CSMD1: variants seen among roughly 807,000 people sequenced by gnomAD.
The protein encoded by CSMD1 is CUB and sushi domain-containing protein 1.
CSMD1 carries 213 observed loss-of-function variants against 417.5 expected under a neutral mutation model. The ratio of observed to expected loss-of-function variants is 0.51; its 90% confidence interval spans 0.46 to 0.57. The LOEUF is 0.57. CSMD1 is among the 20% of genes least tolerant of loss of function. CSMD1 has a pLI of 0.00. For synonymous variants in CSMD1, 2,862 were observed against 1,736.8 expected, an observed-to-expected ratio of 1.65 and a Z score of -16.11; for missense variants, 6,923 against 4,529.7, an observed-to-expected ratio of 1.53 and a Z score of -15.17.
intron 23 of CSMD1, among the ~76,000 whole-genome samples, chr8:3,339,346 G>T (rs563330274): frequency 6.6e-6 from 1 of 152,116 alleles, no homozygotes; most frequent in Non-Finnish European, 1.5e-5. Context: ...CCTGACTATG[G>T]GTTCTCTTCT....
intron 36 of CSMD1, among the ~76,000 whole-genome samples, chr8:3,185,185 C>T (rs1301459145): frequency 6.6e-6 from 1 of 152,200 alleles, no homozygotes; most frequent in Admixed American, 6.5e-5. Context: ...TGTGGAGAAG[C>T]ATGAAGTGCA....
chr8:3,683,671 G>A (rs111243346), intron 7 of CSMD1, among the ~76,000 whole-genome samples: 2 of 152,052 alleles, frequency 1.3e-5, no homozygotes, highest in African/African-American at 2.4e-5. Context: ...ATCCTGTGAG[G>A]TTGTCATCTC....
chr8:4,583,281 C>T (rs2130704899), intron 2 of CSMD1, among the ~76,000 whole-genome samples: 1 of 152,332 alleles, frequency 6.6e-6, no homozygotes, highest in African/African-American at 2.4e-5. Context: ...CGAGTGAAGC[C>T]AGCTGCGCTC....
chr8:4,451,164 T>TG (rs1294734790), intron 2 of CSMD1, among the ~76,000 whole-genome samples: 5 of 145,702 alleles, frequency 3.4e-5, no homozygotes, highest in African/African-American at 1.2e-4. Flanking sequence ...CCTGTCTCTA[T>TG]CAAAATAATA....
intron 26 of CSMD1, among the ~76,000 whole-genome samples, chr8:3,238,203 G>A (rs976419694): frequency 1.3e-5 from 2 of 152,100 alleles, no homozygotes; most frequent in South Asian, 4.1e-4. Context: ...GTGTCACAAG[G>A]TGCTCAGCAG....
rs191098708 is a variant in CSMD1, at chr8:4,626,969, G to C, written c.302+10373C>G. ...TTCTCTGCAAAGGGATACGTAAGTA[G>C]GTGAGTGTATTTATTGTGGTAAAGC... On this transcript the variant is annotated intron_variant, in intron 2 of 69. Coordinates refer to ENST00000635120, the MANE Select transcript of CSMD1 (RefSeq NM_033225.6). Among the ~76,000 whole-genome samples the C allele has an allele frequency of 3.4e-4, 52 of 152,218 alleles. 1 individual carries two copies. The highest frequency in any genetic ancestry group is 1.3e-4 in the Non-Finnish European group (9 of 68,026).
At chr8:4,977,471 G>A (rs1005014373) in intron 1 of CSMD1, among the ~76,000 whole-genome samples, 2 of 152,194 alleles carry the variant, frequency 1.3e-5, no homozygotes, top group Admixed American at 6.5e-5. Context: ...TGGGAAAGAA[G>A]GTCTCATCTC....
At chr8:4,000,536 G>A (rs181609623) in intron 4 of CSMD1, among the ~76,000 whole-genome samples, 7 of 152,308 alleles carry the variant, frequency 4.6e-5, no homozygotes, top group Admixed American at 3.3e-4. Context: ...GGATAATGGT[G>A]AATCAGGTTA....
chr8:3,326,420 T>C (rs1186261726), intron 23 of CSMD1, among the ~76,000 whole-genome samples: 1 of 152,214 alleles, frequency 6.6e-6, no homozygotes, highest in Non-Finnish European at 1.5e-5. Context: ...AGCCTCACCT[T>C]GAAACAGACG....
chr8:3,215,566 A>T (rs751617757), intron 29 of CSMD1, among the ~76,000 whole-genome samples: 4 of 152,242 alleles, frequency 2.6e-5, no homozygotes, highest in Non-Finnish European at 4.4e-5. Flanking sequence ...GGGCCCCTCA[A>T]TTAGGCATTC....
At chr8:4,257,238 C>T (rs929882791) in intron 3 of CSMD1, among the ~76,000 whole-genome samples, 1 of 152,052 alleles carries the variant, frequency 6.6e-6, no homozygotes, top group African/African-American at 2.4e-5. Flanking sequence ...TACTATTCTG[C>T]CATGTATTTT....
At chr8:3,933,218 G>A (rs188926004) in intron 5 of CSMD1, among the ~76,000 whole-genome samples, 3 of 135,810 alleles carry the variant, frequency 2.2e-5, no homozygotes, top group African/African-American at 5.5e-5. Context: ...TTCTTGTTAA[G>A]TAGAAAAGGA....
At chr8:4,920,948 AAG>A (rs1449769404) in intron 1 of CSMD1, among the ~76,000 whole-genome samples, 1 of 9,866 alleles carries the variant, frequency 1.0e-4, no homozygotes, top group East Asian at 2.8e-3. Flanking sequence ...GAAAGAAAGA[AAG>A]AAAGAAAGAA....
chr8:3,776,191 A>C (rs1437524910), intron 5 of CSMD1, among the ~76,000 whole-genome samples: 4 of 152,064 alleles, frequency 2.6e-5, no homozygotes, highest in African/African-American at 9.7e-5. Flanking sequence ...TCCATGTCTG[A>C]CCATCTCAGC....
At chr8:3,183,483 C>A (rs58364918) in intron 36 of CSMD1, among the ~76,000 whole-genome samples, 2 of 40,758 alleles carry the variant, frequency 4.9e-5, no homozygotes, top group African/African-American at 1.4e-4. Flanking sequence ...AGGTCTCTAA[C>A]GTTTCTTAAA....
At chr8:3,256,380 G>A (rs1800658162) in intron 26 of CSMD1, among the ~76,000 whole-genome samples, 1 of 151,770 alleles carries the variant, frequency 6.6e-6, no homozygotes, top group Non-Finnish European at 1.5e-5. Context: ...TTGTAACAAT[G>A]GCAGTAGGCA....
chr8:4,748,729 C>A (rs779996800), intron 1 of CSMD1, among the ~76,000 whole-genome samples: 2 of 152,182 alleles, frequency 1.3e-5, no homozygotes, highest in Non-Finnish European at 2.9e-5. Context: ...AAAGAATACT[C>A]AAAGTAAAAT....
intron 25 of CSMD1, among the ~76,000 whole-genome samples, chr8:3,301,790 T>C (rs1029301481): frequency 2.6e-5 from 4 of 151,842 alleles, no homozygotes; most frequent in Non-Finnish European, 4.4e-5. Flanking sequence ...ATTTGAGAGA[T>C]TGGAGAGAAT....
intron 25 of CSMD1, among the ~76,000 whole-genome samples, chr8:3,307,007 G>A (rs866864973): frequency 9.6e-5 from 14 of 145,482 alleles, no homozygotes; most frequent in African/African-American, 3.2e-4. Flanking sequence ...GTACTTTCTT[G>A]GTCTACCTCA....
Sources: allele counts gnomAD v4.1 joint callset (sites outside exome capture counted in the v4.1 genomes callset), GRCh38; gene constraint gnomAD v4.1.1; transcripts MANE v1.5; gene names NCBI Gene and HGNC (gene_info 2026-07-23, HGNC 2026-07-21).